The following RPGRIP1L variants were observed in gnomAD, a reference collection of about 807,000 sequenced individuals.
RPGRIP1L encodes RPGRIP1 like.
A neutral mutation model predicts 160.4 loss-of-function variants in RPGRIP1L; 131 were observed. That is an observed-to-expected ratio of 0.82 (90% confidence interval 0.71 to 0.94). The LOEUF is 0.94. Ranked by LOEUF, RPGRIP1L falls within the 40% of genes least tolerant of loss-of-function variation. The pLI is 0.00. For missense variants in RPGRIP1L, 1,522 were observed against 1,535.8 expected (o/e 0.99, Z 0.15); for synonymous variants, 510 against 515.8 (o/e 0.99, Z 0.15).
intron 9 of RPGRIP1L, among the ~76,000 whole-genome samples, chr16:53,665,722 T>C (rs1256625535): frequency 1.3e-5 from 2 of 152,170 alleles, no homozygotes; most frequent in East Asian, 3.9e-4. Context: ...ACCCAGCATA[T>C]CAGAAGAAAG....
intron 3 of RPGRIP1L, chr16:53,694,563 C>T (rs1000227750): frequency 5.9e-5 from 9 of 151,948 alleles, no homozygotes; most frequent in East Asian, 1.9e-4. Flanking sequence ...TGCCCAAGCT[C>T]AGTCCAATGG....
At chr16:53,613,867 T>C (rs573423905) in intron 24 of RPGRIP1L, among the ~76,000 whole-genome samples, 20 of 152,330 alleles carry the variant, frequency 1.3e-4, no homozygotes, top group African/African-American at 4.3e-4. Flanking sequence ...GATGATTAAA[T>C]AGATCCAGAG....
chr16:53,634,807 C>A (rs1047231292), intron 22 of RPGRIP1L, among the ~76,000 whole-genome samples: 3 of 152,180 alleles, frequency 2.0e-5, no homozygotes, highest in Admixed American at 2.0e-4. Flanking sequence ...GCCAAATAAA[C>A]CACTTTTCTT....
At chr16:53,602,369 G>C (rs886335846) in intron 26 of RPGRIP1L, among the ~76,000 whole-genome samples, 181 bp from the exon 27 acceptor site, 1 of 152,172 alleles carries the variant, frequency 6.6e-6, no homozygotes, top group African/African-American at 2.4e-5. Context: ...GTGCATTTGA[G>C]ACGTACCGCA....
rs1341706376 is a variant in RPGRIP1L, at chr16:53,696,134, A to G, written c.230+17T>C. The G allele has an allele frequency of 5.6e-6, 9 of 1,612,344 alleles. No individual in the cohort carries two copies. Among genetic ancestry groups the G allele is most frequent in the African/African-American group, 5.3e-5 (4 of 74,864 alleles). On this transcript the variant is annotated intron_variant, in intron 3 of 26. Transcript: ENST00000647211. ...TTACTGAGTCAAGAAAAAAAGCTAAAAGCTTTTTATCATAACCTTTTAATT... is the reference window on the plus strand; with the variant it reads ...TTACTGAGTCAAGAAAAAAAGCTAAGAGCTTTTTATCATAACCTTTTAATT...
chr16:53,638,660 C>A (rs1965996596), intron 19 of RPGRIP1L, among the ~76,000 whole-genome samples: 2 of 150,836 alleles, frequency 1.3e-5, no homozygotes, highest in South Asian at 2.1e-4. Context: ...CAAAAAAAAA[C>A]TGAGAGCAAT....
At chr16:53,635,667 A>G (rs1965794607) in intron 22 of RPGRIP1L, 2 of 152,190 alleles carry the variant, frequency 1.3e-5, no homozygotes, top group Admixed American at 1.3e-4. Flanking sequence ...GAATGTGTGA[A>G]GGAAGAGTTA....
rs756290189 is a variant in RPGRIP1L, at chr16:53,658,769, C to G, written c.1350+3G>C. 2.5e-6 allele frequency: 4 copies of G among 1,569,220 alleles called. No homozygotes were observed. Among genetic ancestry groups the G allele is most frequent in the Non-Finnish European group, 3.5e-6 (4 of 1,146,716 alleles). On this transcript the variant is annotated splice_donor_region_variant and intron_variant, in intron 11 of 26. Coordinates refer to ENST00000647211, the MANE Select transcript of RPGRIP1L (RefSeq NM_015272.5). ...TTATTTCTTAAATAAGGAAATAATT[C>G]ACCTGGTTGTACAATTTTATGCGTT...
At chr16:53,693,523 G>C (rs1317451796) in intron 3 of RPGRIP1L, 1 of 152,128 alleles carries the variant, frequency 6.6e-6, no homozygotes, top group Non-Finnish European at 1.5e-5. Context: ...GTGGCATCAG[G>C]GAGAGCTATG....
At chr16:53,632,432 A>C (rs1261174500) in intron 22 of RPGRIP1L, among the ~76,000 whole-genome samples, 1 of 152,190 alleles carries the variant, frequency 6.6e-6, no homozygotes, top group Non-Finnish European at 1.5e-5. Flanking sequence ...TATTGACAGC[A>C]TGATCTTTCA....
intron 26 of RPGRIP1L, among the ~76,000 whole-genome samples, chr16:53,603,330 T>G (rs531183896): frequency 1.2e-4 from 18 of 152,104 alleles, no homozygotes; most frequent in Non-Finnish European, 1.6e-4. Context: ...CTTCATATAG[T>G]TTCTGTTTTT....
At chr16:53,682,367 T>A (rs1033728801) in intron 6 of RPGRIP1L, among the ~76,000 whole-genome samples, 1 of 152,188 alleles carries the variant, frequency 6.6e-6, no homozygotes, top group Non-Finnish European at 1.5e-5. Flanking sequence ...GGGACTTACC[T>A]CTTCTATGTA....
rs12596947 is a variant in RPGRIP1L at position 53,623,741 on chromosome 16, T to C, written c.3295-1385A>G. ...ATCACATTGTACTACATGGAACTGT[T>C]CACATATTTGCCTCTGTCTATAGAC... On this transcript the variant is annotated intron_variant, in intron 22 of 26. Coordinates refer to ENST00000647211, the MANE Select transcript of RPGRIP1L (RefSeq NM_015272.5). Among the ~76,000 whole-genome samples, 95 of 152,286 alleles carry C rather than the reference T, an allele frequency of 6.2e-4. No individual in the cohort carries two copies. In the East Asian group the frequency reaches 0.016, roughly 26 times the overall value.
intron 3 of RPGRIP1L, among the ~76,000 whole-genome samples, chr16:53,692,985 C>T (rs540965191): frequency 2.0e-5 from 3 of 152,298 alleles, no homozygotes; most frequent in South Asian, 2.1e-4. Context: ...CATTTTAATG[C>T]TATCTTTAAA....
intron 6 of RPGRIP1L, among the ~76,000 whole-genome samples, chr16:53,683,219 T>C (rs940860366): frequency 1.3e-5 from 2 of 152,084 alleles, no homozygotes; most frequent in African/African-American, 4.8e-5. Context: ...TTGGTTTTTC[T>C]AATAAGAACC....
chr16:53,665,325 A>G (rs1189014022), intron 9 of RPGRIP1L, among the ~76,000 whole-genome samples: 1 of 152,224 alleles, frequency 6.6e-6, no homozygotes, highest in African/African-American at 2.4e-5. Context: ...GGAATCCACA[A>G]TTCCAAAACT....
At chr16:53,616,604 C>A (rs1031058158) in intron 24 of RPGRIP1L, among the ~76,000 whole-genome samples, 1 of 152,086 alleles carries the variant, frequency 6.6e-6, no homozygotes. Context: ...AGTCAAATTT[C>A]ATTAGATAGG....
chr16:53,645,614 CAT>C lies in RPGRIP1L; in HGVS notation c.2683+9_2683+10del. The C allele has an allele frequency of 6.2e-7, 1 of 1,611,412 alleles. No individual in the cohort carries two copies. Among genetic ancestry groups the C allele is most frequent in the Non-Finnish European group, 8.5e-7 (1 of 1,179,412 alleles). ...TTTTACAATTTTATAGATTCAAAAA[CAT>C]AGGCTTACCTGAGATACACCTGTCA... On this transcript the variant is annotated intron_variant, in intron 17 of 26. Transcript: ENST00000647211.
chr16:53,623,108 T>C (rs1964846970), intron 22 of RPGRIP1L, among the ~76,000 whole-genome samples: 1 of 152,088 alleles, frequency 6.6e-6, no homozygotes, highest in Non-Finnish European at 1.5e-5. Context: ...TAAAGAAAAA[T>C]AAGATGTTGT....
Sources: gnomAD v4.1 joint callset for allele counts (sites outside exome capture counted in the v4.1 genomes callset) on GRCh38, gnomAD v4.1.1 for gene constraint, MANE v1.5 for transcripts, NCBI Gene and HGNC (gene_info 2026-07-23, HGNC 2026-07-21) for gene names.